The following HPSE2 variants were observed in gnomAD, a reference collection of about 807,000 sequenced individuals.
The protein encoded by HPSE2 is heparanase 2 (inactive).
HPSE2 carries 38 observed loss-of-function variants against 60.5 expected under a neutral mutation model. The observed-to-expected ratio is 0.63, with a 90% CI of 0.48 to 0.82. HPSE2 has a LOEUF of 0.82. Among genes scored for constraint, HPSE2 ranks in the 40% least tolerant of loss-of-function variants. The probability of loss-of-function intolerance (pLI) is 0.00; values close to 1 mark genes in which losing one functional copy is unlikely to be tolerated. For synonymous variants in HPSE2, 295 were observed against 293.2 expected (o/e 1.01, Z -0.06); for missense variants, 713 against 740.4 (o/e 0.96, Z 0.43).
chr10:99,181,136 C>T lies in HPSE2; in HGVS notation c.449-36737G>A, dbSNP rs189825122. Among the ~76,000 whole-genome samples the T allele has an allele frequency of 4.0e-5, 6 of 151,796 alleles. No homozygotes were observed. In the East Asian group the frequency reaches 7.8e-4, roughly 20 times the overall value. On this transcript the variant is annotated intron_variant, in intron 2 of 11. Transcript: ENST00000370552. ...ACACGCGGCCGGGCGCGGTGGCTCA[C>T]GCCTGTAATCCCAGCACTTTGGGAG...
the HPSE2 span, among the ~76,000 whole-genome samples, chr10:99,254,846 T>C: frequency 1.3e-5 from 2 of 152,252 alleles, no homozygotes; most frequent in African/African-American, 2.4e-5. Context: ...TTTGTTTATA[T>C]GAAATATCCA....
At chr10:99,301,897 T>C in the HPSE2 span, among the ~76,000 whole-genome samples, 12 of 151,612 alleles carry the variant, frequency 7.9e-5, no homozygotes, top group African/African-American at 2.7e-4. Flanking sequence ...GATGTAACTC[T>C]TAACGTATGT....
chr10:98,852,113 ATGTGTGTGTGTGTGTGTGTGTGTGTGTG>A (rs1555017138), intron 3 of HPSE2, among the ~76,000 whole-genome samples: 3 of 91,930 alleles, frequency 3.3e-5, no homozygotes, highest in South Asian at 9.9e-4. Context: ...GTATATTATG[ATGTGTGTGTGTGTGTGTGTGTGTGTGTG>A]TGTGTGTGTG....
chr10:98,728,387 G>A (rs1589721437), intron 4 of HPSE2, among the ~76,000 whole-genome samples: 1 of 152,268 alleles, frequency 6.6e-6, no homozygotes, highest in Non-Finnish European at 1.5e-5. Context: ...GGAGGCCGAG[G>A]TGGGTGGATC....
chr10:98,675,571 CACACACAA>C (rs1393653605), intron 6 of HPSE2, among the ~76,000 whole-genome samples: 4 of 151,488 alleles, frequency 2.6e-5, no homozygotes, highest in Non-Finnish European at 4.4e-5. Context: ...CACACACACA[CACACACAA>C]TAACCAGCCA....
intron 5 of HPSE2, among the ~76,000 whole-genome samples, chr10:98,702,658 A>T (rs1378951976): frequency 6.6e-6 from 1 of 152,208 alleles, no homozygotes; most frequent in East Asian, 1.9e-4. Context: ...ACCACTTGGA[A>T]TTTGAACAAC....
intron 3 of HPSE2, among the ~76,000 whole-genome samples, chr10:98,884,727 C>G (rs1596652): frequency 0.86 from 130,051 of 152,024 alleles, 56,138 homozygotes; most frequent in African/African-American, 0.97. Flanking sequence ...GGGGTGTTGG[C>G]GAGGAGGACG....
chr10:99,013,529 T>C lies in HPSE2; in HGVS notation c.610+130709A>G, dbSNP rs182329697. 2,095 of 295,970 alleles carry C rather than the reference T, an allele frequency of 7.1e-3. 10 individuals carry two copies. The highest frequency in any genetic ancestry group is 0.011 in the Non-Finnish European group (1,597 of 151,918). 18.3% of individuals were successfully genotyped at this position (295,970 alleles called of 1,614,324 possible). A position where few individuals can be genotyped will look rare whatever the true frequency, so the allele number is the denominator to read the frequency against. On this transcript the variant is annotated intron_variant, in intron 3 of 11. Coordinates refer to ENST00000370552, the MANE Select transcript of HPSE2 (RefSeq NM_021828.5). ...CTTTGTCACCCAGGCTGGAGTGTAC[T>C]GGCACGATCACAGCTCACTGCAACC...
At chr10:99,067,172 T>A (rs1245452056) in intron 3 of HPSE2, among the ~76,000 whole-genome samples, 1 of 152,216 alleles carries the variant, frequency 6.6e-6, no homozygotes, top group Non-Finnish European at 1.5e-5. Context: ...GGCAGCTCTG[T>A]CCTTGTGGCT....
chr10:98,602,946 A>G (rs1945469692), intron 9 of HPSE2, among the ~76,000 whole-genome samples: 1 of 152,208 alleles, frequency 6.6e-6, no homozygotes, highest in Non-Finnish European at 1.5e-5. Flanking sequence ...GAGTTCATCA[A>G]AATTAAAACC....
intron 9 of HPSE2, among the ~76,000 whole-genome samples, chr10:98,572,219 C>T (rs879774692): frequency 6.6e-6 from 1 of 152,106 alleles, no homozygotes; most frequent in East Asian, 1.9e-4. Flanking sequence ...GGATTACAGG[C>T]GTGAGCCACT....
rs892476770 is a variant in HPSE2 at position 98,598,042 on chromosome 10, A to G, written c.1320+16862T>C. 2.2e-4 allele frequency among the ~76,000 whole-genome samples: 32 copies of G among 146,172 alleles called. 1 individual carries two copies. Among genetic ancestry groups the G allele is most frequent in the African/African-American group, 7.8e-4 (31 of 39,904 alleles). ...CCCATGGATCCCATAGGCTTTCTTC[A>G]TTCCCTTTCATTCTTTTTTTTTTCT... is the stretch of plus-strand genomic sequence containing the variant. On this transcript the variant is annotated intron_variant, in intron 9 of 11. Transcript: ENST00000370552.
At chr10:98,567,931 GC>G (rs1490028310) in intron 9 of HPSE2, among the ~76,000 whole-genome samples, 1 of 152,134 alleles carries the variant, frequency 6.6e-6, no homozygotes, top group African/African-American at 2.4e-5. Context: ...CAGTACTGTG[GC>G]CCCACCTCAT....
At chr10:98,556,566 C>T (rs1944014555) in intron 9 of HPSE2, among the ~76,000 whole-genome samples, 1 of 152,090 alleles carries the variant, frequency 6.6e-6, no homozygotes, top group Non-Finnish European at 1.5e-5. Flanking sequence ...AAGAAAGATA[C>T]AACTTCAAAA....
chr10:99,030,129 G>A (rs185309226), intron 3 of HPSE2, among the ~76,000 whole-genome samples: 23 of 152,294 alleles, frequency 1.5e-4, no homozygotes, highest in East Asian at 1.9e-4. Flanking sequence ...ATTATAGAGC[G>A]AGGATTATTA....
At chr10:98,553,304 A>T (rs761078411) in intron 9 of HPSE2, among the ~76,000 whole-genome samples, 2 of 152,246 alleles carry the variant, frequency 1.3e-5, no homozygotes, top group Non-Finnish European at 1.5e-5. Context: ...GTTCATACAC[A>T]TATTAATAAC....
rs563587502 is a variant in HPSE2 at position 98,681,244 on chromosome 10, T to C, written c.1004+12656A>G. 6.6e-5 allele frequency among the ~76,000 whole-genome samples: 10 copies of C among 152,308 alleles called. No homozygotes were observed. In the East Asian group the frequency reaches 1.9e-3, roughly 29 times the overall value. On this transcript the variant is annotated intron_variant, in intron 6 of 11. Coordinates refer to ENST00000370552, the MANE Select transcript of HPSE2 (RefSeq NM_021828.5). ...AAAATTTGAGCTGTTAAGTGAAAAT[T>C]AAAATTTTCAAAAATTTGTATCTGC...
intron 6 of HPSE2, among the ~76,000 whole-genome samples, chr10:98,664,304 A>C (rs1947302395): frequency 6.6e-6 from 1 of 152,106 alleles, no homozygotes; most frequent in Non-Finnish European, 1.5e-5. Context: ...AAGCAGGAGA[A>C]GAGCCCCCAC....
chr10:98,875,539 C>T (rs1952854082), intron 3 of HPSE2, among the ~76,000 whole-genome samples: 1 of 151,800 alleles, frequency 6.6e-6, no homozygotes, highest in African/African-American at 2.4e-5. Flanking sequence ...TAATTAATAG[C>T]CTACCAACCA....
Sources: allele counts gnomAD v4.1 joint callset (sites outside exome capture counted in the v4.1 genomes callset), GRCh38; gene constraint gnomAD v4.1.1; transcripts MANE v1.5; gene names NCBI Gene and HGNC (gene_info 2026-07-23, HGNC 2026-07-21).